The following CASP14 variants were observed in gnomAD, a reference collection of about 807,000 sequenced individuals.
The protein encoded by CASP14 is caspase-14.
A neutral mutation model predicts 28.4 loss-of-function variants in CASP14; 27 were observed. That is an observed-to-expected ratio of 0.95 (90% CI 0.70 to 1.31). The LOEUF (loss-of-function observed/expected upper bound fraction) is 1.31. Ranked by LOEUF, CASP14 falls within the 50% of genes most tolerant of loss-of-function variation. CASP14 has a pLI of 0.00. For missense variants in CASP14, 323 were observed against 312.8 expected (o/e 1.03, Z -0.25); for synonymous variants, 115 against 118.6 (o/e 0.97, Z 0.20).
Position 15,055,093 on chromosome 19 carries a change from C to A in CASP14, c.404-65C>A, listed in dbSNP as rs2046109638. ...ACACTGGGAATACAGGTGTGAGCCACCCTGCCCAGCCCCTTTCCTTACCTT... is the reference window on the plus strand; with the variant it reads ...ACACTGGGAATACAGGTGTGAGCCAACCTGCCCAGCCCCTTTCCTTACCTT... On this transcript the variant is annotated intron_variant, in intron 4 of 6. Coordinates refer to ENST00000427043, the MANE Select transcript of CASP14 (RefSeq NM_012114.3). 6 of 1,303,994 alleles carry A rather than the reference C, an allele frequency of 4.6e-6. No homozygotes were observed. In the Admixed American group the frequency reaches 1.0e-4, roughly 22 times the overall value. The allele number at this position is 1,303,994 out of a possible 1,614,324, so 80.8% of individuals were successfully genotyped here.
Position 15,049,621 on chromosome 19 carries a change from T to G in CASP14, c.-71T>G, listed in dbSNP as rs1161548906. On this transcript the variant is annotated 5_prime_UTR_variant, in exon 1 of 7. Coordinates refer to ENST00000427043, the MANE Select transcript of CASP14 (RefSeq NM_012114.3). ...AGAGTAGTGAGATTGAACTTGGCCT[T>G]GAGGAACAGCTGCCTCTAGAGTTGG... The G allele has an allele frequency of 5.3e-5, 8 of 151,730 alleles. No homozygotes were observed. The Admixed American group carries it at 5.3e-4, about 10-fold the overall frequency. The allele number at this position is 151,730 out of a possible 1,614,324, so 9.4% of individuals were successfully genotyped here. A position where few individuals can be genotyped will look rare whatever the true frequency, so the allele number is the denominator to read the frequency against.
chr19:15,050,321 T>A (rs4808908), intron 1 of CASP14, among the ~76,000 whole-genome samples: 30 of 149,196 alleles, frequency 2.0e-4, no homozygotes, highest in East Asian at 9.9e-4. Flanking sequence ...TGTGTGTGTG[T>A]GAGAGAGAGA....
chr19:15,050,735 T>C (rs1198663628), intron 1 of CASP14, among the ~76,000 whole-genome samples: 4 of 151,664 alleles, frequency 2.6e-5, no homozygotes, highest in South Asian at 2.1e-4. Context: ...GATAGATGGA[T>C]GGGTAGATAA....
chr19:15,050,717 G>A (rs1010911010), intron 1 of CASP14, among the ~76,000 whole-genome samples: 2 of 152,052 alleles, frequency 1.3e-5, no homozygotes, highest in African/African-American at 4.8e-5. Context: ...TGAATAAGTG[G>A]ATGGATAGAT....
At chr19:15,052,409 GTCAA>G in intron 2 of CASP14, 131 bp downstream of exon 2, 2 of 953,812 alleles carry the variant, frequency 2.1e-6, no homozygotes, top group Non-Finnish European at 2.9e-6. Flanking sequence ...GTACTTTGTA[GTCAA>G]TCAAACAGCA....
chr19:15,051,502 C>CACAA (rs1555714985), intron 1 of CASP14, among the ~76,000 whole-genome samples: 2 of 84,664 alleles, frequency 2.4e-5, no homozygotes, highest in Non-Finnish European at 4.4e-5. Context: ...GATTCTGTCT[C>CACAA]AAAAAAAAAA....
intron 2 of CASP14, 116 bp downstream of exon 2, chr19:15,052,394 A>G (rs993426057): frequency 1.1e-5 from 12 of 1,060,522 alleles, no homozygotes; most frequent in African/African-American, 1.7e-5. Flanking sequence ...ACTCAGAGCT[A>G]GGAGGTACTT....
Position 15,056,940 on chromosome 19 carries a change from G to A in CASP14, c.*851G>A, listed in dbSNP as rs2046120428. On this transcript the variant is annotated 3_prime_UTR_variant, in exon 7 of 7. Transcript: ENST00000427043. The stretch of plus-strand genomic sequence containing the variant: ...TACAGTAAGACAGAGGCAAGGACAA[G>A]GTTTGACTTCCAGCCCAGCCTCTTT... The A allele has an allele frequency of 1.3e-5, 2 of 152,118 alleles. No homozygotes were observed. The highest frequency in any genetic ancestry group is 1.3e-4 in the Admixed American group (2 of 15,252). 9.4% of individuals were successfully genotyped at this position (152,118 alleles called of 1,614,324 possible).
intron 4 of CASP14, among the ~76,000 whole-genome samples, chr19:15,054,222 CCTCAGCCTCCCACCATGCCCAACCAAGT>C (rs2046105315): frequency 6.6e-6 from 1 of 152,188 alleles, no homozygotes; most frequent in Non-Finnish European, 1.5e-5. Flanking sequence ...AATCCTCCTG[CCTCAGCCTCCCACCATGCCCAACCAAGT>C]CTGTGTTTTT....
Position 15,049,486 on chromosome 19 carries a change from C to A in CASP14, c.-206C>A, listed in dbSNP as rs1244806759. Reference sequence around the variant, plus strand: ...TGATTGTGCCACCCGATTCATAGACCAGGCTTCTCAGGAGAAACCCCGGGA... The same window carrying A: ...TGATTGTGCCACCCGATTCATAGACAAGGCTTCTCAGGAGAAACCCCGGGA... On this transcript the variant is annotated 5_prime_UTR_variant, in exon 1 of 7. Transcript: ENST00000427043. 1 of 152,100 alleles carries A rather than the reference C, an allele frequency of 6.6e-6. No homozygotes were observed. The highest frequency in any genetic ancestry group is 1.5e-5 in the Non-Finnish European group (1 of 68,056). The allele number at this position is 152,100 out of a possible 1,614,324, so 9.4% of individuals were successfully genotyped here.
At position 15,055,577 on chromosome 19, in the gene CASP14, A is replaced by T. The variant is rs375037742; in HGVS notation, c.624+44A>T. The T allele has an allele frequency of 6.9e-4, 995 of 1,439,010 alleles. 1 individual carries two copies. The highest frequency in any genetic ancestry group is 8.8e-4 in the Non-Finnish European group (899 of 1,021,048). The allele number at this position is 1,439,010 out of a possible 1,614,324, so 89.1% of individuals were successfully genotyped here. On this transcript the variant is annotated intron_variant, in intron 6 of 6. Coordinates refer to ENST00000427043, the MANE Select transcript of CASP14 (RefSeq NM_012114.3). The stretch of plus-strand genomic sequence containing the variant: ...GCTGGGACCACCGCCCAGGCCAAGA[A>T]GGGTGCAGGCGGAGGGGGCTGAGCC...
At position 15,056,141 on chromosome 19, in the gene CASP14, G is replaced by A. The variant is rs2046116612; in HGVS notation, c.*52G>A. The stretch of plus-strand genomic sequence containing the variant: ...CTTCCAGCATTCTTTCTGTCTCACA[G>A]AAATTTAGAGGCAGCTCTTACCTCT... On this transcript the variant is annotated 3_prime_UTR_variant, in exon 7 of 7. Coordinates refer to ENST00000427043, the MANE Select transcript of CASP14 (RefSeq NM_012114.3). The A allele has an allele frequency of 7.1e-7, 1 of 1,411,202 alleles. No individual in the cohort carries two copies. The highest frequency in any genetic ancestry group is 9.8e-7 in the Non-Finnish European group (1 of 1,020,816). The allele number at this position is 1,411,202 out of a possible 1,614,324, so 87.4% of individuals were successfully genotyped here.
At chr19:15,051,063 G>A (rs2046088423) in intron 1 of CASP14, among the ~76,000 whole-genome samples, 1 of 151,880 alleles carries the variant, frequency 6.6e-6, no homozygotes, top group African/African-American at 2.4e-5. Context: ...ATGGATAGAT[G>A]GTAGATGGAT....
At chr19:15,052,311 C>T (rs746440850) in intron 2 of CASP14, 33 bp downstream of exon 2, 1 of 1,551,068 alleles carries the variant, frequency 6.4e-7, no homozygotes, top group Non-Finnish European at 8.7e-7. Context: ...GGAGGGTGAT[C>T]ATCTGGGGAG....
Position 15,053,998 on chromosome 19 carries a change from G to A in CASP14, c.403+40G>A, listed in dbSNP as rs1349429260. On this transcript the variant is annotated intron_variant, in intron 4 of 6. Transcript: ENST00000427043. ...AAGAGCACAGAGTCTGTGGTTTGTT[G>A]TTTCTGTTTTGTTTTTTGAGACAGC... The A allele has an allele frequency of 4.5e-6, 7 of 1,555,908 alleles. No homozygotes were observed. The Admixed American group carries it at 1.3e-4, about 29-fold the overall frequency.
chr19:15,052,088 A>G, intron 1 of CASP14, 118 bp from the exon 2 acceptor site: 1 of 660,664 alleles, frequency 1.5e-6, no homozygotes. Flanking sequence ...CCACAGACCA[A>G]ATCCCCACCA....
chr19:15,050,309 A>AGTGTGT (rs765633046), intron 1 of CASP14, among the ~76,000 whole-genome samples: 79 of 67,906 alleles, frequency 1.2e-3, no homozygotes, highest in African/African-American at 2.9e-3. Flanking sequence ...TGTGTGTGTG[A>AGTGTGT]GTGTGTGTGT....
At position 15,053,631 on chromosome 19, in the gene CASP14, G is replaced by A. The variant is rs112231728; in HGVS notation, c.177G>A (p.Glu59=). ...ESTMKRDPTA[E]QFQEELEKFQ... ...CCATGAAAAGAGACCCCACTGCCGAGGTATTGGGGTGCCTACTCCAGGCCT... is the reference window on the plus strand; with the variant it reads ...CCATGAAAAGAGACCCCACTGCCGAAGTATTGGGGTGCCTACTCCAGGCCT... The change falls in exon 3 of 7, where the codon GAG becomes GAA. Residue 59 remains glutamate (E), a splice_region_variant and synonymous_variant. Transcript: ENST00000427043. 2,461 of 1,614,150 alleles carry A rather than the reference G, an allele frequency of 1.5e-3. 2 individuals carry two copies. The highest frequency in any genetic ancestry group is 2.0e-3 in the Non-Finnish European group (2,333 of 1,180,024).
chr19:15,054,023 C>T (rs2046104453), intron 4 of CASP14, 65 bp downstream of exon 4: 1 of 1,361,258 alleles, frequency 7.3e-7, no homozygotes, highest in Non-Finnish European at 1.0e-6. Flanking sequence ...TTTGAGACAG[C>T]ACCCAGGCTG....
Sources: allele counts gnomAD v4.1 joint callset (sites outside exome capture counted in the v4.1 genomes callset), GRCh38; gene constraint gnomAD v4.1.1; transcripts MANE v1.5; gene names NCBI Gene and HGNC (gene_info 2026-07-23, HGNC 2026-07-21).